PTPRA: variants seen among roughly 807,000 people sequenced by gnomAD.
PTPRA encodes receptor-type tyrosine-protein phosphatase alpha.
PTPRA carries 25 observed loss-of-function variants against 104.8 expected under a neutral mutation model. The ratio of observed to expected loss-of-function variants is 0.24; its 90% CI spans 0.17 to 0.33. PTPRA has a LOEUF of 0.33. Among genes scored for constraint, PTPRA ranks in the 10% least tolerant of loss-of-function variants. The probability of loss-of-function intolerance (pLI) is 1.00; values close to 1 mark genes in which losing one functional copy is unlikely to be tolerated. For synonymous variants in PTPRA, 323 were observed against 368.9 expected (o/e 0.88, Z 1.43); for missense variants, 765 against 1,015.3 (o/e 0.75, Z 3.35).
At chr20:2,963,087 T>C (rs1337804857) in intron 3 of PTPRA, among the ~76,000 whole-genome samples, 2 of 152,204 alleles carry the variant, frequency 1.3e-5, no homozygotes, top group Non-Finnish European at 2.9e-5. Context: ...GGGGACATGC[T>C]ACTATCTTAC....
At position 3,029,784 on chromosome 20, in the gene PTPRA, TC is replaced by T. The variant is rs374258709; in HGVS notation, c.1920+1946del. ...CTCAGGTTATCTGCCTGACTCAGCC[TC>T]CCAAAGTGCTGGGATTACAGGCGTG... On this transcript the variant is annotated intron_variant, in intron 20 of 23. Coordinates refer to ENST00000399903, the MANE Select transcript of PTPRA (RefSeq NM_001385305.1). 5.0e-4 allele frequency among the ~76,000 whole-genome samples: 76 copies of T among 152,170 alleles called. No homozygotes were observed. The East Asian group carries it at 9.7e-3, about 19-fold the overall frequency.
At position 3,022,113 on chromosome 20, in the gene PTPRA, C is replaced by T; in HGVS notation, c.1221C>T (p.Ser407=). ...QRLITQFHFT[S]WPDFGVPFTP... ...TCATCACTCAGTTCCACTTTACCAG[C>T]TGGCCAGACTTTGGGGTGCCTTTTA... Residue 407 remains serine (S), a synonymous_variant, in exon 15 of 24, where the codon AGC becomes AGT. Coordinates refer to ENST00000399903, the MANE Select transcript of PTPRA (RefSeq NM_001385305.1). This position sits in a 1 kb window ranked among gnomAD's most constrained non-coding sequence, Gnocchi z 4.6. 6.2e-7 allele frequency: 1 copy of T among 1,614,264 alleles called. No homozygotes were observed. Among genetic ancestry groups the T allele is most frequent in the Non-Finnish European group, 8.5e-7 (1 of 1,180,030 alleles).
At chr20:2,948,238 A>G (rs1427707134) in intron 3 of PTPRA, among the ~76,000 whole-genome samples, 3 of 152,254 alleles carry the variant, frequency 2.0e-5, no homozygotes, top group Non-Finnish European at 4.4e-5. Context: ...ACTATAGCCC[A>G]TCAACTACAA....
intron 1 of PTPRA, among the ~76,000 whole-genome samples, chr20:2,888,520 C>G (rs1322601876): frequency 6.6e-6 from 1 of 151,560 alleles, no homozygotes; most frequent in South Asian, 2.1e-4. Context: ...CCACAGCACT[C>G]CAGCCTGGGC....
chr20:2,901,200 A>AACT (rs1475798781), intron 1 of PTPRA, among the ~76,000 whole-genome samples: 1 of 151,550 alleles, frequency 6.6e-6, no homozygotes, highest in Non-Finnish European at 1.5e-5. Context: ...CGAACTCCTG[A>AACT]CCTTGTGATC....
At chr20:2,901,565 G>A (rs778538861) in intron 1 of PTPRA, among the ~76,000 whole-genome samples, 1 of 152,118 alleles carries the variant, frequency 6.6e-6, no homozygotes, top group East Asian at 1.9e-4. Flanking sequence ...GTACTTTATT[G>A]TAAGTTCTTG....
chr20:2,989,541 G>A (rs2063061495), intron 9 of PTPRA, among the ~76,000 whole-genome samples: 1 of 152,194 alleles, frequency 6.6e-6, no homozygotes, highest in East Asian at 1.9e-4. Context: ...GGAAATAGCA[G>A]GAGAATTGTC....
intron 1 of PTPRA, among the ~76,000 whole-genome samples, chr20:2,909,604 C>A (rs1043309266): frequency 6.6e-6 from 1 of 150,966 alleles, no homozygotes; most frequent in African/African-American, 2.4e-5. Flanking sequence ...ACAAAACAAA[C>A]GAAAACTACA....
At chr20:3,028,129 G>T (rs615568) in intron 20 of PTPRA, among the ~76,000 whole-genome samples, 86,601 of 151,922 alleles carry the variant, frequency 0.57, 25,309 homozygotes, top group East Asian at 0.87. Context: ...TCACACCCTT[G>T]CACTTTCTCC....
chr20:3,003,335 C>T (rs904576070), intron 9 of PTPRA, among the ~76,000 whole-genome samples: 2 of 152,092 alleles, frequency 1.3e-5, no homozygotes, highest in Non-Finnish European at 2.9e-5. Flanking sequence ...CTGAATACTA[C>T]GGTTGTTCTC....
intron 6 of PTPRA, among the ~76,000 whole-genome samples, chr20:2,979,304 G>A (rs1405821538): frequency 6.6e-6 from 1 of 152,096 alleles, no homozygotes; most frequent in Non-Finnish European, 1.5e-5. Flanking sequence ...TGATAACTCA[G>A]GAACTTTCTT....
intron 9 of PTPRA, among the ~76,000 whole-genome samples, chr20:3,002,003 G>C (rs576274603): frequency 2.0e-5 from 3 of 152,190 alleles, no homozygotes; most frequent in African/African-American, 7.2e-5. Context: ...GCCAGGCATG[G>C]TGGTGCTGTG....
intron 6 of PTPRA, among the ~76,000 whole-genome samples, chr20:2,979,760 T>C (rs2062594038): frequency 6.6e-6 from 1 of 152,160 alleles, no homozygotes; most frequent in Non-Finnish European, 1.5e-5. Flanking sequence ...CCCAGGCTGG[T>C]CTCAAACTCC....
chr20:3,013,178 C>T (rs982884716), intron 11 of PTPRA, among the ~76,000 whole-genome samples: 1 of 152,048 alleles, frequency 6.6e-6, no homozygotes, highest in Non-Finnish European at 1.5e-5. Flanking sequence ...TAACTTTTTG[C>T]GTAGAGAACT....
chr20:2,976,367 A>G (rs2062432305), intron 6 of PTPRA, among the ~76,000 whole-genome samples: 2 of 152,228 alleles, frequency 1.3e-5, no homozygotes, highest in South Asian at 4.1e-4. Flanking sequence ...AGGCTTCAAG[A>G]TGAAACATAA....
intron 6 of PTPRA, among the ~76,000 whole-genome samples, chr20:2,977,498 T>C (rs1272769559): frequency 1.3e-5 from 2 of 151,340 alleles, no homozygotes; most frequent in Non-Finnish European, 1.5e-5. Context: ...ATACAAAAAT[T>C]AACCAGGCAT....
chr20:2,897,497 G>A (rs114462338), intron 1 of PTPRA, among the ~76,000 whole-genome samples: 3,356 of 146,606 alleles, frequency 0.023, 122 homozygotes, highest in African/African-American at 0.079. Context: ...ACGTGATTCT[G>A]CCACCTCACC....
At chr20:2,924,960 T>C (rs1014416164) in intron 2 of PTPRA, among the ~76,000 whole-genome samples, 1 of 152,218 alleles carries the variant, frequency 6.6e-6, no homozygotes. Flanking sequence ...ATTACAGGCA[T>C]GAGCCACCGC....
chr20:2,886,238 G>A (rs999540334), intron 1 of PTPRA, among the ~76,000 whole-genome samples: 1 of 151,902 alleles, frequency 6.6e-6, no homozygotes, highest in African/African-American at 2.4e-5. Flanking sequence ...TTTTTTAAAG[G>A]TTATTATAGT....
Sources: gnomAD v4.1 joint callset for allele counts (sites outside exome capture counted in the v4.1 genomes callset) on GRCh38, gnomAD v4.1.1 for gene constraint, Gnocchi (gnomAD v3.1) non-coding constraint, MANE v1.5 for transcripts, NCBI Gene and HGNC (gene_info 2026-07-23, HGNC 2026-07-21) for gene names.